ANTXRL: variants seen among roughly 807,000 people sequenced by gnomAD.
ANTXRL encodes the protein ANTXR like.
In ANTXRL, 63 loss-of-function variants were observed where a neutral mutation model predicts 75.4. The ratio of observed to expected loss-of-function variants is 0.84; its 90% CI spans 0.68 to 1.03. ANTXRL has a LOEUF of 1.03. Among genes scored for constraint, ANTXRL ranks in the 50% least tolerant of loss-of-function variants. The probability of loss-of-function intolerance (pLI) is 0.00; values close to 1 mark genes in which losing one functional copy is unlikely to be tolerated. For missense variants in ANTXRL, 797 were observed against 789.4 expected (o/e 1.01, Z -0.12); for synonymous variants, 335 against 291.3 (o/e 1.15, Z -1.53).
intron 16 of ANTXRL, among the ~76,000 whole-genome samples, chr10:46,314,780 G>A (rs1324055471): frequency 6.6e-6 from 1 of 152,108 alleles, no homozygotes; most frequent in Non-Finnish European, 1.5e-5. Flanking sequence ...TTTTACTAAT[G>A]GCAAAATAGA....
intron 16 of ANTXRL, among the ~76,000 whole-genome samples, chr10:46,316,084 T>C (rs1838709538): frequency 6.6e-6 from 1 of 152,150 alleles, no homozygotes; most frequent in Non-Finnish European, 1.5e-5. Context: ...TGGATACTCA[T>C]TATGTTAATG....
chr10:46,310,762 C>G (rs1218934698), intron 14 of ANTXRL, among the ~76,000 whole-genome samples: 29 of 152,194 alleles, frequency 1.9e-4, no homozygotes, highest in Non-Finnish European at 8.8e-5. Flanking sequence ...GATGATCTGT[C>G]CTGAATAAAT....
At chr10:46,307,219 G>A (rs553100807) in intron 11 of ANTXRL, among the ~76,000 whole-genome samples, 183 bp from the exon 12 acceptor site, 25 of 152,164 alleles carry the variant, frequency 1.6e-4, no homozygotes, top group Non-Finnish European at 2.5e-4. Context: ...TTTAGGACGC[G>A]GTCACAATGG....
rs1836940454 is a variant in ANTXRL, at chr10:46,290,470, A to G, written c.249-1588A>G. 2.0e-5 allele frequency among the ~76,000 whole-genome samples: 3 copies of G among 152,280 alleles called. No individual in the cohort carries two copies. In the South Asian group the frequency reaches 6.2e-4, roughly 32 times the overall value. ...CCCTACTCTCACTTCTTTTTGGTATATGCCAGGGAGTGCAATTGATGGATC... is the reference window on the plus strand; with the variant it reads ...CCCTACTCTCACTTCTTTTTGGTATGTGCCAGGGAGTGCAATTGATGGATC... On this transcript the variant is annotated intron_variant, in intron 1 of 16. Coordinates refer to ENST00000620264, the MANE Select transcript of ANTXRL (RefSeq NM_001278688.3).
intron 16 of ANTXRL, among the ~76,000 whole-genome samples, chr10:46,319,144 ATG>A (rs1830363788): frequency 6.6e-6 from 1 of 152,180 alleles, no homozygotes; most frequent in Non-Finnish European, 1.5e-5. Flanking sequence ...GAACTCAAGT[ATG>A]TGAGTATGGA....
chr10:46,311,661 T>C lies in ANTXRL; in HGVS notation c.1325T>C (p.Ile442Thr). The stretch of plus-strand genomic sequence containing the variant: ...CAAGGAGTGGGCGGGATGAGAAGGA[T>C]AGAGGTGAGAAGGGCACAGTGGAGA... ...GCQGVGGMRR[I>T]EGNLDTFCDL... is the part of the protein sequence containing the mutation. The change falls in exon 15 of 17, where the codon ATA becomes ACA. Residue 442 changes from isoleucine (I) to threonine (T), a missense_variant. This residue lies in a region of ANTXRL where 479 missense variants were observed against 422.0 expected (regional missense o/e 1.14). Coordinates refer to ENST00000620264, the MANE Select transcript of ANTXRL (RefSeq NM_001278688.3). The C allele has an allele frequency of 9.4e-7, 1 of 1,061,624 alleles. No homozygotes were observed. The highest frequency in any genetic ancestry group is 1.4e-6 in the Non-Finnish European group (1 of 713,664). The allele number at this position is 1,061,624 out of a possible 1,614,324, so 65.8% of individuals were successfully genotyped here.
At chr10:46,320,148 C>T (rs1380513989) in intron 16 of ANTXRL, among the ~76,000 whole-genome samples, 1 of 152,130 alleles carries the variant, frequency 6.6e-6, no homozygotes, top group Non-Finnish European at 1.5e-5. Flanking sequence ...CAAAAACAGT[C>T]AATAACTGAA....
intron 3 of ANTXRL, 70 bp downstream of exon 3, chr10:46,293,970 G>C: frequency 7.0e-7 from 1 of 1,428,188 alleles, no homozygotes; most frequent in Non-Finnish European, 9.5e-7. Context: ...GGGAGCTGAA[G>C]GGCTCCCGGA....
intron 9 of ANTXRL, among the ~76,000 whole-genome samples, chr10:46,301,042 A>G (rs1837706380): frequency 6.6e-6 from 1 of 151,304 alleles, no homozygotes; most frequent in Non-Finnish European, 1.5e-5. Flanking sequence ...CTTGCTTGCA[A>G]TACATAGTCC....
At chr10:46,309,743 A>G (rs782147947) in intron 13 of ANTXRL, among the ~76,000 whole-genome samples, 5 of 151,990 alleles carry the variant, frequency 3.3e-5, no homozygotes, top group Admixed American at 6.6e-5. Flanking sequence ...TGGGCCCCAT[A>G]CTGGGCTGGG....
intron 5 of ANTXRL, 118 bp from the exon 6 acceptor site, chr10:46,297,134 G>T: frequency 1.2e-6 from 1 of 805,978 alleles, no homozygotes; most frequent in Admixed American, 2.4e-5. Flanking sequence ...GTGGGGGCAC[G>T]TGGCCATGCC....
intron 1 of ANTXRL, among the ~76,000 whole-genome samples, chr10:46,291,203 G>A (rs1181354490): frequency 2.0e-5 from 3 of 152,116 alleles, no homozygotes; most frequent in Admixed American, 2.0e-4. Context: ...CCCACACTGA[G>A]TGTTCTTAGC....
chr10:46,311,061 C>T (rs1219741222), intron 14 of ANTXRL, among the ~76,000 whole-genome samples: 1 of 152,066 alleles, frequency 6.6e-6, no homozygotes, highest in Non-Finnish European at 1.5e-5. Context: ...TGTGGCTCAC[C>T]TGGGTCGGGG....
intron 10 of ANTXRL, 97 bp from the exon 11 acceptor site, chr10:46,306,705 TG>T: frequency 9.2e-7 from 1 of 1,090,226 alleles, no homozygotes; most frequent in East Asian, 2.8e-5. Context: ...ATGCCGGTCC[TG>T]GGCCACAGGG....
intron 3 of ANTXRL, 66 bp downstream of exon 3, chr10:46,293,966 T>A: frequency 1.4e-6 from 2 of 1,449,076 alleles, no homozygotes; most frequent in Non-Finnish European, 1.9e-6. Flanking sequence ...TCCAGGGAGC[T>A]GAAGGGCTCC....
chr10:46,325,473 C>T (rs555899519), intron 16 of ANTXRL, among the ~76,000 whole-genome samples: 1 of 152,230 alleles, frequency 6.6e-6, no homozygotes, highest in African/African-American at 2.4e-5. Flanking sequence ...GCTCTAGAGT[C>T]TTCTCAAAAT....
chr10:46,306,223 A>T (rs1201604150), intron 10 of ANTXRL, among the ~76,000 whole-genome samples: 5 of 152,214 alleles, frequency 3.3e-5, no homozygotes, highest in African/African-American at 4.8e-5. Flanking sequence ...GAGATAATTT[A>T]TCATTCATGG....
intron 12 of ANTXRL, 69 bp downstream of exon 12, chr10:46,307,549 A>G: frequency 7.2e-7 from 1 of 1,390,146 alleles, no homozygotes; most frequent in Non-Finnish European, 9.9e-7. Context: ...GAAGGAGCAC[A>G]GAAAAGGCAG....
chr10:46,311,133 T>TGGGGTGGGAACAGGCAACCCTGGCCA (rs1838396820), intron 14 of ANTXRL, among the ~76,000 whole-genome samples: 1 of 152,018 alleles, frequency 6.6e-6, no homozygotes, highest in Non-Finnish European at 1.5e-5. Flanking sequence ...GGGCCTGGGA[T>TGGGGTGGGAACAGGCAACCCTGGCCA]GGGGTGGGAA....
Sources: gnomAD v4.1 joint callset for allele counts (sites outside exome capture counted in the v4.1 genomes callset) on GRCh38, gnomAD v4.1.1 for gene constraint, gnomAD v4.1.1 regional missense constraint, MANE v1.5 for transcripts, NCBI Gene and HGNC (gene_info 2026-07-23, HGNC 2026-07-21) for gene names.